The following ZSWIM5 variants were observed in gnomAD, a reference collection of about 807,000 sequenced individuals.
ZSWIM5 encodes zinc finger SWIM domain-containing protein 5.
ZSWIM5 carries 55 observed loss-of-function variants against 119.6 expected under a neutral mutation model. The observed-to-expected ratio is 0.46, with a 90% CI of 0.37 to 0.58. The LOEUF is 0.58. Ranked by LOEUF, ZSWIM5 falls within the 20% of genes least tolerant of loss-of-function variation. The pLI is 0.00. For synonymous variants in ZSWIM5, 537 were observed against 606.9 expected (o/e 0.88, Z 1.69); for missense variants, 1,193 against 1,512.8 (o/e 0.79, Z 3.51).
intron 1 of ZSWIM5, among the ~76,000 whole-genome samples, chr1:45,155,518 T>C (rs1466367636): frequency 2.0e-5 from 3 of 151,018 alleles, no homozygotes; most frequent in Non-Finnish European, 4.4e-5. Flanking sequence ...GCAATCCCAC[T>C]GCTGGGTATC....
At chr1:45,160,077 C>T (rs1478597460) in intron 1 of ZSWIM5, among the ~76,000 whole-genome samples, 1 of 152,076 alleles carries the variant, frequency 6.6e-6, no homozygotes, top group Non-Finnish European at 1.5e-5. Context: ...TAAGGGTCTG[C>T]TGTAATTTTT....
intron 1 of ZSWIM5, among the ~76,000 whole-genome samples, chr1:45,090,758 G>A (rs1381656792): frequency 6.6e-6 from 1 of 152,068 alleles, no homozygotes; most frequent in Non-Finnish European, 1.5e-5. Context: ...AGGAGTTTGA[G>A]GTTGCTAGAT....
At chr1:45,178,608 A>G (rs997100779) in intron 1 of ZSWIM5, among the ~76,000 whole-genome samples, 2 of 152,130 alleles carry the variant, frequency 1.3e-5, no homozygotes, top group Non-Finnish European at 2.9e-5. Flanking sequence ...GTATTTAGTA[A>G]GAAATTTGCA....
intron 1 of ZSWIM5, among the ~76,000 whole-genome samples, chr1:45,157,735 G>C (rs1645838628): frequency 6.6e-6 from 1 of 152,104 alleles, no homozygotes. Flanking sequence ...CGGTCATAGG[G>C]TAAGTGTATG....
At chr1:45,037,177 A>G (rs1030100806) in intron 8 of ZSWIM5, among the ~76,000 whole-genome samples, 2 of 138,328 alleles carry the variant, frequency 1.4e-5, no homozygotes, top group Non-Finnish European at 3.0e-5. Flanking sequence ...GTGGCACGGT[A>G]TCGGCTTACT....
chr1:45,064,929 C>T (rs1428044642), intron 2 of ZSWIM5, among the ~76,000 whole-genome samples: 3 of 152,110 alleles, frequency 2.0e-5, no homozygotes, highest in African/African-American at 7.2e-5. Context: ...TTTTAGGTCC[C>T]CTGAAGCTGT....
intron 5 of ZSWIM5, among the ~76,000 whole-genome samples, chr1:45,050,751 C>T (rs916703184): frequency 2.6e-5 from 4 of 152,036 alleles, no homozygotes; most frequent in African/African-American, 9.7e-5. Context: ...TAAAACCAAC[C>T]CCAACTGAAG....
At chr1:45,091,737 C>T (rs1007775809) in intron 1 of ZSWIM5, among the ~76,000 whole-genome samples, 8 of 152,126 alleles carry the variant, frequency 5.3e-5, no homozygotes, top group Non-Finnish European at 8.8e-5. Context: ...AACATTTCTG[C>T]TTTATCCGTT....
chr1:45,081,239 C>T (rs1352584093), intron 2 of ZSWIM5, among the ~76,000 whole-genome samples: 1 of 65,098 alleles, frequency 1.5e-5, no homozygotes, highest in Non-Finnish European at 2.9e-5. Context: ...CTTTATCTAG[C>T]TCCCTCTCCC....
chr1:45,177,721 C>A (rs1226892435), intron 1 of ZSWIM5, among the ~76,000 whole-genome samples: 1 of 151,978 alleles, frequency 6.6e-6, no homozygotes, highest in East Asian at 1.9e-4. Flanking sequence ...CATTTTCTCT[C>A]ACTCTTGCTT....
At chr1:45,117,431 T>C (rs1244665253) in intron 1 of ZSWIM5, among the ~76,000 whole-genome samples, 5 of 152,128 alleles carry the variant, frequency 3.3e-5, no homozygotes, top group East Asian at 1.9e-4. Flanking sequence ...TCCCAGAACG[T>C]TGGGAGGCCA....
At chr1:45,039,808 G>A (rs1278577119) in intron 7 of ZSWIM5, among the ~76,000 whole-genome samples, 13 of 151,940 alleles carry the variant, frequency 8.6e-5, no homozygotes, top group Admixed American at 2.6e-4. Context: ...GGGTTCCAGC[G>A]ATTCTTCTGC....
At chr1:45,181,786 T>G (rs1301490516) in intron 1 of ZSWIM5, among the ~76,000 whole-genome samples, 1 of 151,980 alleles carries the variant, frequency 6.6e-6, no homozygotes, top group Non-Finnish European at 1.5e-5. Context: ...TCAACATTCT[T>G]AAAGAAAAGA....
chr1:45,148,472 C>T (rs2149036949), intron 1 of ZSWIM5, among the ~76,000 whole-genome samples: 1 of 150,210 alleles, frequency 6.7e-6, no homozygotes, highest in Middle Eastern at 3.4e-3. Context: ...TCTTGCCACA[C>T]AATTTGAAGA....
intron 11 of ZSWIM5, among the ~76,000 whole-genome samples, chr1:45,031,582 G>A (rs1167612052): frequency 1.3e-5 from 2 of 151,980 alleles, no homozygotes; most frequent in Non-Finnish European, 2.9e-5. Flanking sequence ...GCTAACGCCT[G>A]TAATCCCAGC....
At chr1:45,141,082 C>T (rs920958176) in intron 1 of ZSWIM5, among the ~76,000 whole-genome samples, 1 of 152,054 alleles carries the variant, frequency 6.6e-6, no homozygotes, top group African/African-American at 2.4e-5. Flanking sequence ...TTCTTTTCTC[C>T]ATTTACTCAT....
intron 1 of ZSWIM5, among the ~76,000 whole-genome samples, chr1:45,157,611 T>C (rs1009792611): frequency 6.6e-6 from 1 of 151,902 alleles, no homozygotes; most frequent in African/African-American, 2.4e-5. Flanking sequence ...AGGATGTTTC[T>C]AGTTTGGGAC....
chr1:45,179,000 C>T (rs56363452), intron 1 of ZSWIM5, among the ~76,000 whole-genome samples: 5 of 151,760 alleles, frequency 3.3e-5, no homozygotes, highest in African/African-American at 1.2e-4. Context: ...AGTTATATTT[C>T]TATCTATATA....
intron 2 of ZSWIM5, among the ~76,000 whole-genome samples, chr1:45,074,103 T>C (rs1156866804): frequency 1.3e-5 from 2 of 152,040 alleles, no homozygotes; most frequent in African/African-American, 2.4e-5. Context: ...TGATAAATGA[T>C]CTTTTTAATG....
Sources: gnomAD v4.1 joint callset for allele counts (sites outside exome capture counted in the v4.1 genomes callset) on GRCh38, gnomAD v4.1.1 for gene constraint, MANE v1.5 for transcripts, NCBI Gene and HGNC (gene_info 2026-07-23, HGNC 2026-07-21) for gene names.